CFAP47: variants seen among roughly 807,000 people sequenced by gnomAD.
The protein encoded by CFAP47 is cilia and flagella associated protein 47, also known as cilia- and flagella-associated protein 47.
A neutral mutation model predicts 148.1 loss-of-function variants in CFAP47; 29 were observed. The ratio of observed to expected loss-of-function variants is 0.20; its 90% CI spans 0.15 to 0.27. The LOEUF (loss-of-function observed/expected upper bound fraction) is 0.27, where lower values mean the gene tolerates loss of function less well. Among genes scored for constraint, CFAP47 ranks in the 10% least tolerant of loss-of-function variants. The pLI is 1.00. For synonymous variants in CFAP47, 664 were observed against 577.3 expected (o/e 1.15, Z -2.15); for missense variants, 1,872 against 1,697.5 (o/e 1.10, Z -1.81).
intron 46 of CFAP47, among the ~76,000 whole-genome samples, chrX:36,233,109 G>C (rs1427281953): frequency 1.8e-5 from 2 of 111,837 alleles, no homozygotes; most frequent in Non-Finnish European, 3.8e-5. Flanking sequence ...GGGGTGGAGA[G>C]TTCTGTAGAT....
In CFAP47 at chrX:36,289,809, A is replaced by T. The variant is rs144868991; in HGVS notation, c.7686+4083A>T. Among the ~76,000 whole-genome samples the T allele has an allele frequency of 6.0e-4, 67 of 112,202 alleles. 2 individuals carry two copies. The East Asian group carries it at 0.017, about 28-fold the overall frequency. ...GTACATAATGTCTGTGGCTTTAAAG[A>T]TCAGCAATAATTAGCCACTTTCACT... is the stretch of plus-strand genomic sequence containing the variant. On this transcript the variant is annotated intron_variant, in intron 51 of 63. Transcript: ENST00000378653.
At chrX:36,171,121 T>C (rs1431430708) in intron 39 of CFAP47, among the ~76,000 whole-genome samples, 156 of 110,326 alleles carry the variant, frequency 1.4e-3, no homozygotes, top group Non-Finnish European at 2.3e-3. Flanking sequence ...GTTCATGTCC[T>C]TTGCCCACTT....
chrX:35,995,923 C>T (rs964835557), intron 18 of CFAP47, among the ~76,000 whole-genome samples: 1 of 111,584 alleles, frequency 9.0e-6, no homozygotes, highest in African/African-American at 3.3e-5. Context: ...GCTTCAAAGT[C>T]TCTTCGATAT....
intron 39 of CFAP47, among the ~76,000 whole-genome samples, chrX:36,175,298 G>A (rs184471514): frequency 1.8e-5 from 2 of 112,156 alleles, no homozygotes; most frequent in African/African-American, 3.2e-5. Context: ...TCTTCTCTCA[G>A]CTCATCAAGG....
intron 32 of CFAP47, among the ~76,000 whole-genome samples, chrX:36,100,496 C>G (rs1938357463): frequency 8.9e-6 from 1 of 112,208 alleles, no homozygotes; most frequent in Non-Finnish European, 1.9e-5. Context: ...CCTCTATACT[C>G]TGTACCCTTA....
At chrX:36,318,077 A>G (rs1941451356) in intron 56 of CFAP47, among the ~76,000 whole-genome samples, 1 of 111,865 alleles carries the variant, frequency 8.9e-6, no homozygotes, top group Admixed American at 9.5e-5. Flanking sequence ...CCCTGCCATC[A>G]CAAGCTATTC....
intron 48 of CFAP47, among the ~76,000 whole-genome samples, chrX:36,248,127 A>T (rs1940640916): frequency 9.3e-6 from 1 of 107,116 alleles, no homozygotes; most frequent in South Asian, 3.8e-4. Context: ...GTATGTGTGT[A>T]TATATATTAT....
intron 26 of CFAP47, among the ~76,000 whole-genome samples, chrX:36,053,724 A>T (rs1937532705): frequency 8.9e-6 from 1 of 112,363 alleles, no homozygotes; most frequent in Admixed American, 9.4e-5. Context: ...TTTAACAAAA[A>T]ATATAATACT....
chrX:36,058,779 C>T (rs1254187433), intron 26 of CFAP47, among the ~76,000 whole-genome samples: 2 of 111,565 alleles, frequency 1.8e-5, no homozygotes, highest in Non-Finnish European at 3.8e-5. Context: ...CTGAGGCACT[C>T]ACCCATATGC....
At chrX:36,166,271 T>C (rs1359307697) in intron 39 of CFAP47, among the ~76,000 whole-genome samples, 2 of 110,777 alleles carry the variant, frequency 1.8e-5, no homozygotes, top group African/African-American at 6.6e-5. Flanking sequence ...CATACATACG[T>C]CAGATTCTAT....
At chrX:36,029,315 T>G (rs1245060418) in intron 22 of CFAP47, among the ~76,000 whole-genome samples, 5 of 111,271 alleles carry the variant, frequency 4.5e-5, no homozygotes, top group African/African-American at 1.6e-4. Context: ...ATCCGTTTTT[T>G]AAACACTTTC....
Position 35,948,383 on chromosome X carries a change from C to T in CFAP47, c.587C>T (p.Ala196Val). Residue 196 changes from alanine (A) to valine (V), a missense_variant, in exon 4 of 64, where the codon GCT (alanine) becomes GTT (valine). Physicochemically the swap from Ala to Val is moderately conservative, Grantham distance 64 (BLOSUM62 0). Transcript: ENST00000378653. ...LIFPTSGIVD[A>V]KSSMVIKVDF... is the part of the protein sequence containing the mutation. ...TTTCCAACTAGTGGTATCGTGGATG[C>T]TAAGTCATCAATGGTTATTAAAGTA... 1 of 1,201,219 alleles carries T rather than the reference C, an allele frequency of 8.3e-7. No homozygotes were observed.
chrX:36,384,799 A>G lies in CFAP47; in HGVS notation c.9357A>G (p.Thr3119=). Reference sequence around the variant, plus strand: ...AATTTCTCCCTCTTTCTATCCAGACAGAAGAAATGTACTGGAAGTATGAGA... The same window carrying G: ...AATTTCTCCCTCTTTCTATCCAGACGGAAGAAATGTACTGGAAGTATGAGA... The part of the protein sequence containing the change: ...RKYKATLVIQ[T]EEMYWKYEIN... The change falls in exon 64 of 64, where the codon ACA becomes ACG. Residue 3119 remains threonine, a splice_region_variant and synonymous_variant. Coordinates refer to ENST00000378653, the MANE Select transcript of CFAP47 (RefSeq NM_001304548.2). 8.6e-7 allele frequency: 1 copy of G among 1,159,408 alleles called. No homozygotes were observed. The highest frequency in any genetic ancestry group is 1.2e-6 in the Non-Finnish European group (1 of 865,473).
intron 37 of CFAP47, among the ~76,000 whole-genome samples, chrX:36,153,697 A>G (rs1399071211): frequency 8.9e-6 from 1 of 112,465 alleles, no homozygotes; most frequent in Non-Finnish European, 1.9e-5. Flanking sequence ...TTTCTGCACC[A>G]GTGGAAATGG....
chrX:36,275,529 C>T (rs1342940955), intron 49 of CFAP47, among the ~76,000 whole-genome samples: 1 of 108,938 alleles, frequency 9.2e-6, no homozygotes, highest in Non-Finnish European at 1.9e-5. Flanking sequence ...TTCATTCATT[C>T]TGGAAATTAA....
At chrX:35,951,380 G>A (rs1936163819) in intron 5 of CFAP47, 21 bp downstream of exon 5, 1 of 976,865 alleles carries the variant, frequency 1.0e-6, no homozygotes, top group South Asian at 2.0e-5. Context: ...GGTGCGACAG[G>A]GATATCAGAT....
intron 15 of CFAP47, among the ~76,000 whole-genome samples, chrX:35,986,330 G>A (rs370126014): frequency 9.2e-6 from 1 of 108,773 alleles, no homozygotes; most frequent in Non-Finnish European, 1.9e-5. Context: ...CTCTAATCTT[G>A]TGTTCGTACT....
intron 17 of CFAP47, among the ~76,000 whole-genome samples, chrX:35,992,390 T>C (rs956980089): frequency 2.7e-5 from 3 of 110,574 alleles, no homozygotes; most frequent in Admixed American, 9.7e-5. Flanking sequence ...GTGGTGATTT[T>C]TTTTTTTAAA....
chrX:35,958,685 G>T, intron 8 of CFAP47, among the ~76,000 whole-genome samples: 1 of 111,557 alleles, frequency 9.0e-6, no homozygotes, highest in Non-Finnish European at 1.9e-5. Flanking sequence ...TTTCTTTGGA[G>T]AAATATTTAT....
Sources: gnomAD v4.1 joint callset for allele counts (sites outside exome capture counted in the v4.1 genomes callset) on GRCh38, gnomAD v4.1.1 for gene constraint, MANE v1.5 for transcripts, NCBI Gene and HGNC (gene_info 2026-07-23, HGNC 2026-07-21) for gene names.